The following NALF1 variants were observed in gnomAD, a reference collection of about 807,000 sequenced individuals.
NALF1 encodes the protein family with sequence similarity 155 member A.
In NALF1, 3 loss-of-function variants were observed where a neutral mutation model predicts 48.4. The observed-to-expected ratio is 0.06, with a 90% CI of 0.03 to 0.16. The LOEUF is 0.16. Ranked by LOEUF, NALF1 falls within the 10% of genes least tolerant of loss-of-function variation. The pLI is 1.00. For synonymous variants in NALF1, 262 were observed against 245.7 expected, an observed-to-expected ratio of 1.07 and a Z score of -0.62; for missense variants, 526 against 571.5, an observed-to-expected ratio of 0.92 and a Z score of 0.81.
intron 1 of NALF1, among the ~76,000 whole-genome samples, chr13:107,570,953 T>A (rs937431555): frequency 1.3e-5 from 2 of 152,094 alleles, no homozygotes; most frequent in Non-Finnish European, 2.9e-5. Flanking sequence ...GATTCTTCAA[T>A]GAGATTTGTA....
chr13:107,713,378 A>G (rs1464560668), intron 1 of NALF1, among the ~76,000 whole-genome samples: 2 of 152,214 alleles, frequency 1.3e-5, no homozygotes, highest in Non-Finnish European at 2.9e-5. Context: ...TTTACTGAAT[A>G]TAATGATATC....
intron 1 of NALF1, among the ~76,000 whole-genome samples, chr13:107,807,447 G>A (rs970415886): frequency 6.6e-6 from 1 of 152,142 alleles, no homozygotes; most frequent in Admixed American, 6.6e-5. Flanking sequence ...AATTTTCAAT[G>A]CTGATGAGCA....
chr13:107,543,788 T>TATATATACACATATATACCCAC (rs1180008907), intron 1 of NALF1, among the ~76,000 whole-genome samples: 1 of 151,992 alleles, frequency 6.6e-6, no homozygotes, highest in East Asian at 1.9e-4. Context: ...TGTATATGTG[T>TATATATACACATATATACCCAC]ATATATACAC....
At chr13:107,663,389 T>C (rs1880777188) in intron 1 of NALF1, among the ~76,000 whole-genome samples, 1 of 152,216 alleles carries the variant, frequency 6.6e-6, no homozygotes, top group Admixed American at 6.5e-5. Flanking sequence ...AGAAGGTATG[T>C]AGCGGATTTA....
chr13:107,847,214 G>A (rs777236734), intron 1 of NALF1, among the ~76,000 whole-genome samples: 79 of 152,070 alleles, frequency 5.2e-4, no homozygotes, highest in Non-Finnish European at 7.1e-4. Context: ...AATGGGTGAT[G>A]GTCTCCTATG....
intron 1 of NALF1, among the ~76,000 whole-genome samples, chr13:107,733,545 C>T (rs1256409616): frequency 6.6e-6 from 1 of 152,026 alleles, no homozygotes; most frequent in African/African-American, 2.4e-5. Context: ...CAAAATTATA[C>T]AAATAGTCAA....
At chr13:107,578,367 T>G (rs1878212337) in intron 1 of NALF1, among the ~76,000 whole-genome samples, 1 of 152,242 alleles carries the variant, frequency 6.6e-6, no homozygotes, top group Non-Finnish European at 1.5e-5. Flanking sequence ...GGACTAGTCC[T>G]TTTGATGTGT....
intron 1 of NALF1, among the ~76,000 whole-genome samples, chr13:107,679,005 T>C (rs1881206139): frequency 6.6e-6 from 1 of 152,306 alleles, no homozygotes; most frequent in South Asian, 2.1e-4. Context: ...TTGAGACGTA[T>C]TTGTTCCTCT....
chr13:107,687,153 T>C (rs1229172642), intron 1 of NALF1, among the ~76,000 whole-genome samples: 1 of 152,172 alleles, frequency 6.6e-6, no homozygotes. Context: ...TGCAGGAACA[T>C]GGATGCAGCT....
chr13:107,862,454 CTG>C (rs1344906748), intron 1 of NALF1, among the ~76,000 whole-genome samples: 1 of 151,976 alleles, frequency 6.6e-6, no homozygotes, highest in Non-Finnish European at 1.5e-5. Context: ...TTAAATAACA[CTG>C]TAAACTACAG....
intron 1 of NALF1, among the ~76,000 whole-genome samples, chr13:107,370,840 T>C (rs955410740): frequency 6.6e-5 from 10 of 152,176 alleles, no homozygotes; most frequent in African/African-American, 2.4e-4. Context: ...CTTCTTCACA[T>C]GGCAGCAGCA....
chr13:107,171,145 T>C lies in NALF1; in HGVS notation c.1088-359A>G, dbSNP rs552709178. Among the ~76,000 whole-genome samples the C allele has an allele frequency of 2.4e-4, 37 of 152,320 alleles. No homozygotes were observed. The South Asian group carries it at 7.3e-3, about 30-fold the overall frequency. Reference sequence around the variant, plus strand: ...TCTTCTTTCACAGGAATGTGACCAATTGATGCACTGCGTAAACTGACATTA... The same window carrying C: ...TCTTCTTTCACAGGAATGTGACCAACTGATGCACTGCGTAAACTGACATTA... On this transcript the variant is annotated intron_variant, in intron 2 of 2. Coordinates refer to ENST00000375915, the MANE Select transcript of NALF1 (RefSeq NM_001080396.3).
chr13:107,199,949 CA>C (rs1053455066), intron 2 of NALF1, among the ~76,000 whole-genome samples: 4 of 152,082 alleles, frequency 2.6e-5, no homozygotes, highest in African/African-American at 7.3e-5. Context: ...CCTCCCACCA[CA>C]GAGCTTCTTC....
At chr13:107,258,448 T>C (rs1054527647) in intron 1 of NALF1, among the ~76,000 whole-genome samples, 12 of 152,184 alleles carry the variant, frequency 7.9e-5, no homozygotes, top group African/African-American at 2.9e-4. Flanking sequence ...AGAGAGGTAA[T>C]GGCCTCTGAG....
At chr13:107,691,123 G>C (rs887272077) in intron 1 of NALF1, among the ~76,000 whole-genome samples, 3 of 152,192 alleles carry the variant, frequency 2.0e-5, no homozygotes, top group African/African-American at 7.2e-5. Flanking sequence ...TCTGGACTCA[G>C]ATGCATACAC....
chr13:107,606,622 TTCCAAAGTG>T (rs1466562997), intron 1 of NALF1, among the ~76,000 whole-genome samples: 1 of 152,052 alleles, frequency 6.6e-6, no homozygotes, highest in Non-Finnish European at 1.5e-5. Context: ...TGCCTCGGCC[TTCCAAAGTG>T]CTAAGATTAC....
intron 1 of NALF1, among the ~76,000 whole-genome samples, chr13:107,714,090 T>C (rs1053616940): frequency 1.3e-5 from 2 of 152,188 alleles, no homozygotes; most frequent in Non-Finnish European, 2.9e-5. Flanking sequence ...TCAGTTGACT[T>C]CACCATATAA....
At chr13:107,230,474 C>T (rs562871767) in intron 1 of NALF1, among the ~76,000 whole-genome samples, 14 of 152,010 alleles carry the variant, frequency 9.2e-5, no homozygotes, top group African/African-American at 3.1e-4. Flanking sequence ...AATATATTGA[C>T]GTTGTATTTA....
At position 107,340,176 on chromosome 13, in the gene NALF1, C is replaced by CT. The variant is rs5806647; in HGVS notation, c.916-129422dup. 6.7e-3 allele frequency among the ~76,000 whole-genome samples: 948 copies of CT among 141,680 alleles called. 12 individuals are homozygous for CT. The highest frequency in any genetic ancestry group is 0.013 in the African/African-American group (493 of 38,736). The allele number at this position is 141,680 out of a possible 152,430, so 92.9% of individuals were successfully genotyped here. On this transcript the variant is annotated intron_variant, in intron 1 of 2. Transcript: ENST00000375915. ...TCCTTTAAATGCCTCACTTACATTC[C>CT]TTTTTTTTTTTTTTTAGACAGTGGT...
Sources: gnomAD v4.1 joint callset for allele counts (sites outside exome capture counted in the v4.1 genomes callset) on GRCh38, gnomAD v4.1.1 for gene constraint, MANE v1.5 for transcripts, NCBI Gene and HGNC (gene_info 2026-07-23, HGNC 2026-07-21) for gene names.